The following CEP83 variants were observed in gnomAD, a reference collection of about 807,000 sequenced individuals.
CEP83 encodes the protein centrosomal protein of 83 kDa.
In CEP83, 70 loss-of-function variants were observed where a neutral mutation model predicts 101.9. The observed-to-expected ratio is 0.69, with a 90% CI of 0.57 to 0.84. The LOEUF is 0.84. Ranked by LOEUF, CEP83 falls within the 40% of genes least tolerant of loss-of-function variation. The probability of loss-of-function intolerance (pLI) is 0.00; values close to 1 mark genes in which losing one functional copy is unlikely to be tolerated. For missense variants in CEP83, 715 were observed against 787.2 expected (o/e 0.91, Z 1.10); for synonymous variants, 264 against 267.9 (o/e 0.99, Z 0.14).
chr12:94,369,941 CTT>C lies in CEP83; in HGVS notation c.1027_1028del (p.Lys343AspfsTer4). 2.5e-6 allele frequency: 4 copies of C among 1,588,464 alleles called. No individual in the cohort carries two copies. Among genetic ancestry groups the C allele is most frequent in the Non-Finnish European group, 3.5e-6 (4 of 1,157,994 alleles). On this transcript the variant is annotated frameshift_variant, in exon 9 of 17. Coordinates refer to ENST00000397809, the MANE Select transcript of CEP83 (RefSeq NM_016122.3). LOFTEE classifies it high-confidence loss of function. ...TATTACCATCCAGTTCACTTTGAATCTTATTCCTTTCTCTTTCTAGCTCACTC... is the reference window on the plus strand; with the variant it reads ...TATTACCATCCAGTTCACTTTGAATCATTCCTTTCTCTTTCTAGCTCACTC... ...AKSELERERN[K>X]IQSELDGLQS...
chr12:94,337,798 G>A (rs2059515009), intron 11 of CEP83, among the ~76,000 whole-genome samples: 1 of 152,140 alleles, frequency 6.6e-6, no homozygotes, highest in African/African-American at 2.4e-5. Context: ...GAAGTAGAGA[G>A]ATGGGATTAA....
chr12:94,306,789 C>T (rs565249842), downstream of CEP83: 7 of 152,292 alleles, frequency 4.6e-5, no homozygotes, highest in Admixed American at 4.6e-4. Context: ...GGTGACACCT[C>T]AACAAACTGA....
chr12:94,341,430 G>A (rs529243205), intron 11 of CEP83, among the ~76,000 whole-genome samples: 2 of 152,022 alleles, frequency 1.3e-5, no homozygotes, highest in Non-Finnish European at 2.9e-5. Flanking sequence ...ATCTAAATAG[G>A]AGGTGCTGCA....
intron 5 of CEP83, among the ~76,000 whole-genome samples, chr12:94,402,064 A>G (rs2063290055): frequency 6.6e-6 from 1 of 152,230 alleles, no homozygotes; most frequent in African/African-American, 2.4e-5. Flanking sequence ...ATGTCTACCA[A>G]GTATCTAATA....
chr12:94,324,475 T>G (rs1362491643), intron 14 of CEP83, among the ~76,000 whole-genome samples: 1 of 152,258 alleles, frequency 6.6e-6, no homozygotes, highest in Non-Finnish European at 1.5e-5. Context: ...TATAGATAGA[T>G]ATCCCTTTTT....
At chr12:94,277,940 G>A in the CEP83 span, 4 of 455,988 alleles carry the variant, frequency 8.8e-6, no homozygotes, top group Non-Finnish European at 1.8e-5. Context: ...CATATGATTT[G>A]TGTTTTCATC....
intron 2 of CEP83, among the ~76,000 whole-genome samples, chr12:94,422,116 G>A (rs565537499): frequency 6.6e-6 from 1 of 152,304 alleles, no homozygotes; most frequent in African/African-American, 2.4e-5. Context: ...CATTCCACAA[G>A]TTACTTCCTC....
chr12:94,278,258 CTT>C, the CEP83 span: 1 of 350,862 alleles, frequency 2.9e-6, no homozygotes, highest in Non-Finnish European at 5.7e-6. Context: ...GCCTTTCTGA[CTT>C]TGTGATTACC....
chr12:94,274,271 G>A, the CEP83 span, among the ~76,000 whole-genome samples: 7 of 151,702 alleles, frequency 4.6e-5, no homozygotes, highest in Non-Finnish European at 7.4e-5. Context: ...CTGGGAGGTC[G>A]AGGCTGCAGT....
the CEP83 span, chr12:94,272,135 T>A: frequency 4.6e-5 from 7 of 152,166 alleles, no homozygotes; most frequent in African/African-American, 1.7e-4. Context: ...GTCTTTTCTT[T>A]CTCATAACCC....
At chr12:94,281,008 G>T in the CEP83 span, among the ~76,000 whole-genome samples, 170 of 152,322 alleles carry the variant, frequency 1.1e-3, no homozygotes, top group African/African-American at 4.0e-3. Context: ...GCTGGACGTG[G>T]TGGCTCACGC....
rs752157093 is a variant in CEP83, at chr12:94,400,855, A to C, written c.544T>G (p.Ser182Ala). 1.4e-5 allele frequency: 20 copies of C among 1,465,248 alleles called. No homozygotes were observed. Among genetic ancestry groups the C allele is most frequent in the Non-Finnish European group, 1.7e-5 (19 of 1,103,466 alleles). 90.8% of individuals were successfully genotyped at this position (1,465,248 alleles called of 1,614,324 possible). Residue 182 changes from serine (S) to alanine (A), a missense_variant, in exon 6 of 17, where the codon TCA becomes GCA. By Grantham distance (99) the Ser-to-Ala change is moderately conservative. Coordinates refer to ENST00000397809, the MANE Select transcript of CEP83 (RefSeq NM_016122.3). ...TCGTATAATCAATCACTTACCTCTGATTCATATTTTATTTTTCCTTCATCT... is the reference window on the plus strand; with the variant it reads ...TCGTATAATCAATCACTTACCTCTGCTTCATATTTTATTTTTCCTTCATCT... The part of the protein sequence containing the change: ...ILDEGKIKYE[S>A]EIARLEEDKE...
the CEP83 span, chr12:94,277,025 A>C: frequency 6.6e-6 from 1 of 151,746 alleles, no homozygotes; most frequent in Non-Finnish European, 1.5e-5. Flanking sequence ...CAGGATTATA[A>C]GGGCAAGATT....
the CEP83 span, chr12:94,298,711 A>G: frequency 6.2e-7 from 1 of 1,613,362 alleles, no homozygotes; most frequent in African/African-American, 1.3e-5. Context: ...TTTGCTATAA[A>G]ATACTTTTTT....
intron 14 of CEP83, among the ~76,000 whole-genome samples, chr12:94,326,992 C>T (rs868320872): frequency 9.9e-5 from 15 of 151,942 alleles, no homozygotes; most frequent in Admixed American, 2.6e-4. Context: ...TAATATAGTG[C>T]CTGACTAAAT....
chr12:94,381,208 C>T (rs2061832378), intron 6 of CEP83, among the ~76,000 whole-genome samples: 1 of 152,174 alleles, frequency 6.6e-6, no homozygotes. Context: ...ATCTTGGATA[C>T]AGCCTCAGCT....
chr12:94,450,551 G>A (rs904494597), intron 1 of CEP83, among the ~76,000 whole-genome samples: 5 of 152,146 alleles, frequency 3.3e-5, no homozygotes, highest in African/African-American at 7.2e-5. Context: ...AAGCCTGGAC[G>A]ATTGCATTTT....
chr12:94,436,033 G>T (rs2065958173), intron 1 of CEP83, among the ~76,000 whole-genome samples: 1 of 151,742 alleles, frequency 6.6e-6, no homozygotes, highest in African/African-American at 2.4e-5. Flanking sequence ...GGGGAAGGGG[G>T]TGACTCCACA....
rs1293217242 is a variant in CEP83 at position 94,435,341 on chromosome 12, G to A, written c.-154-14C>T. ...TCCTCCCTATACCTGTAGGAGAGAA[G>A]ACACAAAGAGGAATCTGAACAAACA... On this transcript the variant is annotated splice_polypyrimidine_tract_variant and intron_variant, in intron 1 of 16. Transcript: ENST00000397809. 6.6e-6 allele frequency: 1 copy of A among 152,206 alleles called. No individual in the cohort carries two copies. The highest frequency in any genetic ancestry group is 2.4e-5 in the African/African-American group (1 of 41,442). 9.4% of individuals were successfully genotyped at this position (152,206 alleles called of 1,614,324 possible).
Sources: gnomAD v4.1 joint callset for allele counts (sites outside exome capture counted in the v4.1 genomes callset) on GRCh38, gnomAD v4.1.1 for gene constraint, MANE v1.5 for transcripts, NCBI Gene and HGNC (gene_info 2026-07-23, HGNC 2026-07-21) for gene names.